The following MINDY2 variants were observed in gnomAD, a reference collection of about 807,000 sequenced individuals.
The protein encoded by MINDY2 is ubiquitin carboxyl-terminal hydrolase MINDY-2.
Under a neutral mutation model 68.2 loss-of-function variants are expected in MINDY2, and 52 were observed. That is an observed-to-expected ratio of 0.76 (90% CI 0.61 to 0.96). MINDY2 has a LOEUF of 0.96. Among genes scored for constraint, MINDY2 ranks in the 40% least tolerant of loss-of-function variants. The pLI is 0.00. For synonymous variants in MINDY2, 372 were observed against 303.0 expected (o/e 1.23, Z -2.36); for missense variants, 881 against 773.4 (o/e 1.14, Z -1.65).
chr15:58,793,947 G>A (rs1301907607), intron 2 of MINDY2, among the ~76,000 whole-genome samples: 1 of 152,164 alleles, frequency 6.6e-6, no homozygotes, highest in African/African-American at 2.4e-5. Context: ...AAACCAGCCA[G>A]CATGGTGTTA....
intron 2 of MINDY2, among the ~76,000 whole-genome samples, chr15:58,789,263 A>G (rs148180119): frequency 0.023 from 3,512 of 152,116 alleles, 44 homozygotes; most frequent in Middle Eastern, 0.044. Flanking sequence ...GTGTGAACCC[A>G]GGAGGCATAG....
chr15:58,810,163 CTTGAAT>C (rs1381696068), intron 3 of MINDY2, 61 bp from the exon 4 acceptor site: 3 of 1,364,838 alleles, frequency 2.2e-6, no homozygotes, highest in Non-Finnish European at 3.0e-6. Flanking sequence ...TGTGCTTGTA[CTTGAAT>C]ATCTTTTTTG....
At chr15:58,775,052 G>T (rs574330939) in intron 1 of MINDY2, among the ~76,000 whole-genome samples, 6 of 152,114 alleles carry the variant, frequency 3.9e-5, no homozygotes, top group African/African-American at 7.2e-5. Context: ...GTGAGCCAGG[G>T]GTACTAGAAG....
At chr15:58,791,622 A>ATGTGTGTG (rs368688031) in intron 2 of MINDY2, among the ~76,000 whole-genome samples, 8,674 of 136,504 alleles carry the variant, frequency 0.064, 313 homozygotes, top group East Asian at 0.15. Flanking sequence ...GTCTCAAAAT[A>ATGTGTGTG]TGTGTGTGTG....
At chr15:58,848,237 CAT>C in intron 7 of MINDY2, among the ~76,000 whole-genome samples, 1 of 152,200 alleles carries the variant, frequency 6.6e-6, no homozygotes, top group East Asian at 1.9e-4. Flanking sequence ...ATATTTCACT[CAT>C]AACAATTTAA....
chr15:58,845,827 A>T (rs1354961565), intron 6 of MINDY2, among the ~76,000 whole-genome samples: 2 of 152,236 alleles, frequency 1.3e-5, no homozygotes, highest in African/African-American at 4.8e-5. Flanking sequence ...GGATAAAGAA[A>T]ATGTGGTACA....
chr15:58,806,736 A>G (rs1425814821), intron 3 of MINDY2, among the ~76,000 whole-genome samples: 1 of 152,202 alleles, frequency 6.6e-6, no homozygotes, highest in African/African-American at 2.4e-5. Context: ...TTGTAAAACT[A>G]TAATTCTTAG....
At chr15:58,795,764 A>G (rs548823442) in intron 2 of MINDY2, among the ~76,000 whole-genome samples, 4 of 141,178 alleles carry the variant, frequency 2.8e-5, no homozygotes, top group Admixed American at 7.3e-5. Flanking sequence ...ATAGTGTCTA[A>G]GTTTTTTTTT....
At chr15:58,780,818 A>G (rs1476741244) in intron 1 of MINDY2, among the ~76,000 whole-genome samples, 1 of 152,120 alleles carries the variant, frequency 6.6e-6, no homozygotes, top group Non-Finnish European at 1.5e-5. Context: ...TTCAGTCATT[A>G]GTAACTTCTG....
At chr15:58,811,197 C>G (rs188065278) in intron 4 of MINDY2, among the ~76,000 whole-genome samples, 6 of 152,290 alleles carry the variant, frequency 3.9e-5, no homozygotes, top group Non-Finnish European at 7.4e-5. Context: ...TGGGCAAGAC[C>G]GTATTCTTTA....
At chr15:58,853,671 T>A (rs2032939667) in intron 8 of MINDY2, among the ~76,000 whole-genome samples, 1 of 151,520 alleles carries the variant, frequency 6.6e-6, no homozygotes. Flanking sequence ...ATATAAAAAA[T>A]TAGCTGGGTG....
intron 5 of MINDY2, among the ~76,000 whole-genome samples, chr15:58,823,444 C>T (rs897125998): frequency 1.6e-4 from 24 of 152,028 alleles, no homozygotes; most frequent in South Asian, 6.2e-4. Flanking sequence ...GAGGCTGAGG[C>T]GGGAGGATTG....
rs1204574446 is a variant in MINDY2 at position 58,831,055 on chromosome 15, A to ATATATATATATATATATATATATATATG, written c.1226-714_1226-713insATATATATATATATATATATATGTATAT. Among the ~76,000 whole-genome samples the ATATATATATATATATATATATATATATG allele has an allele frequency of 2.3e-4, 33 of 145,528 alleles. 2 individuals are homozygous for ATATATATATATATATATATATATATATG. The highest frequency in any genetic ancestry group is 8.8e-4 in the African/African-American group (32 of 36,472). ...TGTGTGTGTGTGTATATATATATAT[A>ATATATATATATATATATATATATATATG]TATATGTTTTAAATTATACCCCGGA... On this transcript the variant is annotated intron_variant, in intron 5 of 8. Coordinates refer to ENST00000559228, the MANE Select transcript of MINDY2 (RefSeq NM_001040450.3).
At position 58,772,073 on chromosome 15, in the gene MINDY2, C is replaced by A. The variant is rs199568863; in HGVS notation, c.678C>A (p.Thr226=). The A allele has an allele frequency of 6.2e-7, 1 of 1,612,346 alleles. No homozygotes were observed. The highest frequency in any genetic ancestry group is 1.7e-5 in the Admixed American group (1 of 59,842). Residue 226 remains threonine, a synonymous_variant, in exon 1 of 9, where the codon ACC becomes ACA. Coordinates refer to ENST00000559228, the MANE Select transcript of MINDY2 (RefSeq NM_001040450.3). ...PLCKEEEGEE[T]AQVLAASKER... Reference sequence around the variant, plus strand: ...GCAAGGAGGAGGAGGGGGAGGAGACCGCTCAGGTGCTGGCGGCCTCCAAGG... The same window carrying A: ...GCAAGGAGGAGGAGGGGGAGGAGACAGCTCAGGTGCTGGCGGCCTCCAAGG...
intron 1 of MINDY2, among the ~76,000 whole-genome samples, chr15:58,781,562 CA>C (rs1901144309): frequency 6.6e-6 from 1 of 152,092 alleles, no homozygotes; most frequent in Admixed American, 6.5e-5. Context: ...TTCAGAATTT[CA>C]AAGCCTTTTT....
At chr15:58,816,212 A>T (rs964811044) in intron 4 of MINDY2, among the ~76,000 whole-genome samples, 38 of 152,116 alleles carry the variant, frequency 2.5e-4, no homozygotes, top group African/African-American at 7.5e-4. Context: ...AGCTGCTGGG[A>T]TTCAGGAGAA....
intron 1 of MINDY2, among the ~76,000 whole-genome samples, chr15:58,777,841 T>A (rs1900871737): frequency 6.6e-6 from 1 of 152,150 alleles, no homozygotes; most frequent in Admixed American, 6.5e-5. Context: ...CCAGCTAGTC[T>A]CAAACTCCTG....
At chr15:58,836,109 G>A (rs377418240) in intron 6 of MINDY2, among the ~76,000 whole-genome samples, 19 of 151,952 alleles carry the variant, frequency 1.3e-4, no homozygotes, top group African/African-American at 4.6e-4. Flanking sequence ...ACAGGGTTTC[G>A]CTGTGTTAGC....
chr15:58,790,167 A>G (rs1472230478), intron 2 of MINDY2, among the ~76,000 whole-genome samples: 1 of 152,206 alleles, frequency 6.6e-6, no homozygotes, highest in African/African-American at 2.4e-5. Flanking sequence ...ATTACTCTGA[A>G]TACCTAGATG....
Sources: allele counts gnomAD v4.1 joint callset (sites outside exome capture counted in the v4.1 genomes callset), GRCh38; gene constraint gnomAD v4.1.1; transcripts MANE v1.5; gene names NCBI Gene and HGNC (gene_info 2026-07-23, HGNC 2026-07-21).